The following SNRPC variants were observed in gnomAD, a reference collection of about 807,000 sequenced individuals.
The protein encoded by SNRPC is small nuclear ribonucleoprotein polypeptide C.
SNRPC carries 5 observed loss-of-function variants against 20.0 expected under a neutral mutation model. The observed-to-expected ratio is 0.25, with a 90% CI of 0.13 to 0.53. SNRPC has a LOEUF of 0.53. SNRPC is among the 20% of genes least tolerant of loss of function. The pLI is 0.96. For missense variants in SNRPC, 112 were observed against 224.1 expected (o/e 0.50, Z 3.19); for synonymous variants, 61 against 58.7 (o/e 1.04, Z -0.18).
chr6:34,757,668 G>T, intron 1 of SNRPC, 117 bp downstream of exon 1: 1 of 1,381,434 alleles, frequency 7.2e-7, no homozygotes. Context: ...TATCTGGGCC[G>T]GGTGGACGGA....
chr6:34,757,535 C>T lies in SNRPC; in HGVS notation c.-9C>T, dbSNP rs371472483. The stretch of plus-strand genomic sequence containing the variant: ...ACGTAACGGAGTGGCCAACGGCCTG[C>T]AGAGCAACATGCCCAAGTGAGTGGG... On this transcript the variant is annotated 5_prime_UTR_variant, in exon 1 of 6. Transcript: ENST00000244520. 7 of 1,613,326 alleles carry T rather than the reference C, an allele frequency of 4.3e-6. No homozygotes were observed. In the African/African-American group the frequency reaches 8.0e-5, roughly 18 times the overall value.
At position 34,770,352 on chromosome 6, in the gene SNRPC, A is replaced by G. The variant is rs1181721752; in HGVS notation, c.312A>G (p.Pro104=). 1.2e-6 allele frequency: 2 copies of G among 1,613,088 alleles called. No homozygotes were observed. Among genetic ancestry groups the G allele is most frequent in the South Asian group, 2.2e-5 (2 of 91,056 alleles). ...APHMGGPPMM[P]MMGPPPPGMM... ...ATATGGGGGGCCCTCCCATGATGCC[A>G]ATGATGGGCCCTCCTCCTCCTGGGA... Residue 104 remains proline, a synonymous_variant, in exon 5 of 6, where the codon CCA becomes CCG. Coordinates refer to ENST00000244520, the MANE Select transcript of SNRPC (RefSeq NM_003093.3).
At chr6:34,765,599 G>A (rs1764602700) in intron 3 of SNRPC, among the ~76,000 whole-genome samples, 2 of 151,578 alleles carry the variant, frequency 1.3e-5, no homozygotes. Flanking sequence ...ACCACACCTG[G>A]CTAATTTTTT....
rs1381908619 is a variant in SNRPC at position 34,757,622 on chromosome 6, G to C, written c.8+71G>C. 3 of 1,537,712 alleles carry C rather than the reference G, an allele frequency of 2.0e-6. No homozygotes were observed. In the African/African-American group the frequency reaches 4.1e-5, roughly 21 times the overall value. On this transcript the variant is annotated intron_variant, in intron 1 of 5. Coordinates refer to ENST00000244520, the MANE Select transcript of SNRPC (RefSeq NM_003093.3). ...TGGCCCCCATGCAGGAGCGGAGAGCGGGTTCTGGTTTCTGAAACCTCGAGG... is the reference window on the plus strand; with the variant it reads ...TGGCCCCCATGCAGGAGCGGAGAGCCGGTTCTGGTTTCTGAAACCTCGAGG...
chr6:34,770,164 G>T (rs1764668470), intron 4 of SNRPC, 127 bp from the exon 5 acceptor site: 7 of 738,076 alleles, frequency 9.5e-6, no homozygotes, highest in Non-Finnish European at 9.7e-6. Flanking sequence ...AGAGGTTGTG[G>T]TGAGCCGAGA....
chr6:34,766,929 A>T (rs1452284948), intron 3 of SNRPC, among the ~76,000 whole-genome samples: 1 of 152,160 alleles, frequency 6.6e-6, no homozygotes, highest in African/African-American at 2.4e-5. Flanking sequence ...AATAGACTTT[A>T]TGAGTGTGTA....
chr6:34,758,650 C>T (rs1764485997), intron 2 of SNRPC, among the ~76,000 whole-genome samples: 1 of 152,122 alleles, frequency 6.6e-6, no homozygotes, highest in Non-Finnish European at 1.5e-5. Context: ...AGTGGTCTAT[C>T]TTAAGAGCAC....
chr6:34,767,200 G>A (rs1275819258), intron 3 of SNRPC, among the ~76,000 whole-genome samples: 1 of 152,202 alleles, frequency 6.6e-6, no homozygotes, highest in East Asian at 1.9e-4. Context: ...TACATAGGAA[G>A]GATAGAAATT....
intron 3 of SNRPC, among the ~76,000 whole-genome samples, chr6:34,764,263 T>C (rs1019598592): frequency 4.0e-5 from 6 of 151,428 alleles, no homozygotes; most frequent in African/African-American, 1.2e-4. Context: ...GTGGATCACC[T>C]GAAGTCAGGA....
chr6:34,761,057 C>CA (rs202046084), intron 2 of SNRPC, among the ~76,000 whole-genome samples: 9,800 of 133,108 alleles, frequency 0.074, 525 homozygotes, highest in East Asian at 0.35. Flanking sequence ...CAAAAAAAAC[C>CA]AAAAAAAAAA....
intron 4 of SNRPC, 140 bp from the exon 5 acceptor site, chr6:34,770,151 G>A: frequency 1.4e-6 from 1 of 695,322 alleles, no homozygotes; most frequent in Non-Finnish European, 2.6e-6. Flanking sequence ...GAACCTGGGA[G>A]GCAGAGGTTG....
chr6:34,770,961 T>C (rs1764682736), intron 5 of SNRPC, among the ~76,000 whole-genome samples: 1 of 152,172 alleles, frequency 6.6e-6, no homozygotes, highest in Admixed American at 6.6e-5. Context: ...ACTTCAAACA[T>C]TTTATTTTAA....
At chr6:34,768,863 A>G (rs1249997829) in intron 4 of SNRPC, among the ~76,000 whole-genome samples, 6 of 152,036 alleles carry the variant, frequency 3.9e-5, no homozygotes, top group Non-Finnish European at 7.4e-5. Context: ...TTTCTGTGTG[A>G]CAGACAAGAG....
intron 2 of SNRPC, among the ~76,000 whole-genome samples, chr6:34,759,350 G>C (rs1027732565): frequency 6.6e-6 from 1 of 152,146 alleles, no homozygotes; most frequent in African/African-American, 2.4e-5. Flanking sequence ...CCAGCACTTC[G>C]GGAGGCCGAG....
chr6:34,767,846 A>C, intron 3 of SNRPC, 62 bp from the exon 4 acceptor site: 1 of 1,482,786 alleles, frequency 6.7e-7, no homozygotes, highest in East Asian at 2.4e-5. Flanking sequence ...TGGTTATTTT[A>C]GTTACTGGAT....
intron 3 of SNRPC, among the ~76,000 whole-genome samples, chr6:34,764,602 G>T (rs1362546898): frequency 6.6e-6 from 1 of 152,098 alleles, no homozygotes; most frequent in African/African-American, 2.4e-5. Flanking sequence ...AGCGGAGGTT[G>T]CAGTGAGCTA....
chr6:34,769,657 C>A (rs537535428), intron 4 of SNRPC, among the ~76,000 whole-genome samples: 1 of 152,228 alleles, frequency 6.6e-6, no homozygotes, highest in East Asian at 1.9e-4. Flanking sequence ...GGCTTAAGTT[C>A]ATCAGCTTTT....
chr6:34,763,636 G>A (rs1486672259), intron 3 of SNRPC, among the ~76,000 whole-genome samples: 1 of 147,230 alleles, frequency 6.8e-6, no homozygotes, highest in African/African-American at 2.5e-5. Flanking sequence ...AGCTGAGATT[G>A]CACTACTGCA....
chr6:34,772,038 G>A (rs1561792317), intron 5 of SNRPC, among the ~76,000 whole-genome samples: 1 of 152,102 alleles, frequency 6.6e-6, no homozygotes, highest in East Asian at 1.9e-4. Flanking sequence ...TTTGTTTTCT[G>A]TTTTTTCAAA....
Sources: gnomAD v4.1 joint callset for allele counts (sites outside exome capture counted in the v4.1 genomes callset) on GRCh38, gnomAD v4.1.1 for gene constraint, MANE v1.5 for transcripts, NCBI Gene and HGNC (gene_info 2026-07-23, HGNC 2026-07-21) for gene names.